NECTIN3: variants seen among roughly 807,000 people sequenced by gnomAD.
The protein encoded by NECTIN3 is nectin cell adhesion molecule 3.
In NECTIN3, 8 loss-of-function variants were observed where a neutral mutation model predicts 49.4. The observed-to-expected ratio is 0.16, with a 90% CI of 0.10 to 0.29. NECTIN3 has a LOEUF of 0.29. Among genes scored for constraint, NECTIN3 ranks in the 10% least tolerant of loss-of-function variants. The pLI, the probability that NECTIN3 is intolerant of heterozygous loss-of-function variation, is 1.00. For synonymous variants in NECTIN3, 277 were observed against 241.1 expected, an observed-to-expected ratio of 1.15 and a Z score of -1.38; for missense variants, 581 against 654.6, an observed-to-expected ratio of 0.89 and a Z score of 1.23.
chr3:111,105,634 T>C (rs2107435571), intron 1 of NECTIN3, among the ~76,000 whole-genome samples: 1 of 152,330 alleles, frequency 6.6e-6, no homozygotes, highest in Non-Finnish European at 1.5e-5. Flanking sequence ...AATTGTGTTT[T>C]CTGTGAATAA....
At chr3:111,120,301 A>C (rs2033888928) in intron 3 of NECTIN3, among the ~76,000 whole-genome samples, 1 of 151,938 alleles carries the variant, frequency 6.6e-6, no homozygotes, top group South Asian at 2.1e-4. Context: ...GTAAGTGTTT[A>C]TAATATGGTA....
chr3:111,118,460 C>T (rs2033803147), intron 2 of NECTIN3, among the ~76,000 whole-genome samples, 196 bp from the exon 3 acceptor site: 1 of 150,984 alleles, frequency 6.6e-6, no homozygotes. Context: ...GTATGAATTC[C>T]TGGTCTCATT....
chr3:111,194,063 A>G (rs557140685), intron 1 of NECTIN3, among the ~76,000 whole-genome samples: 44 of 152,276 alleles, frequency 2.9e-4, no homozygotes, highest in Non-Finnish European at 5.1e-4. Context: ...GACTAGCTGT[A>G]TGTAACAAAG....
chr3:111,091,480 C>T (rs1239302079), intron 1 of NECTIN3, among the ~76,000 whole-genome samples: 3 of 152,106 alleles, frequency 2.0e-5, no homozygotes, highest in Non-Finnish European at 4.4e-5. Flanking sequence ...TCTCAATCTC[C>T]TGACCTCATG....
At chr3:111,074,012 A>G (rs1367838087) in intron 1 of NECTIN3, among the ~76,000 whole-genome samples, 2 of 151,044 alleles carry the variant, frequency 1.3e-5, no homozygotes, top group East Asian at 3.9e-4. Flanking sequence ...GTTTTAGAGC[A>G]GGTGTAGTGT....
intron 1 of NECTIN3, among the ~76,000 whole-genome samples, chr3:111,111,176 T>C (rs1189545429): frequency 1.3e-5 from 2 of 152,166 alleles, no homozygotes; most frequent in Non-Finnish European, 2.9e-5. Context: ...TACTTGTCAA[T>C]GAGCAGCATC....
intron 7 of NECTIN3, among the ~76,000 whole-genome samples, chr3:111,171,127 G>A (rs2169643): frequency 0.19 from 28,550 of 152,096 alleles, 5,418 homozygotes; most frequent in African/African-American, 0.47. Flanking sequence ...AGCACATGCC[G>A]TTATTATCTT....
At position 111,135,936 on chromosome 3, in the gene NECTIN3, A is replaced by G. The variant is rs1198946328; in HGVS notation, c.*1721A>G. On this transcript the variant is annotated 3_prime_UTR_variant, in exon 6 of 6. Transcript: ENST00000485303. ...TTAAGGATACAGATAAATAAAGTTC[A>G]CTTATATCTTCTTACAAATGTCTGG... The G allele has an allele frequency of 3.2e-6, 3 of 923,158 alleles. No homozygotes were observed. In the African/African-American group the frequency reaches 5.4e-5, roughly 17 times the overall value. The allele number at this position is 923,158 out of a possible 1,614,324, so 57.2% of individuals were successfully genotyped here.
At chr3:111,109,177 A>G (rs188865266) in intron 1 of NECTIN3, among the ~76,000 whole-genome samples, 48 of 152,222 alleles carry the variant, frequency 3.2e-4, no homozygotes, top group Admixed American at 1.5e-3. Flanking sequence ...CAGTCCAATC[A>G]TGGGGAGCCC....
At position 111,134,071 on chromosome 3, in the gene NECTIN3, T is replaced by C; in HGVS notation, c.1506T>C (p.Asn502=). The change falls in exon 6 of 6, where the codon AAT becomes AAC. Residue 502 remains asparagine (N), a synonymous_variant. Coordinates refer to ENST00000485303, the MANE Select transcript of NECTIN3 (RefSeq NM_015480.3). ...AGTGGAACAATGTAGAAAATCTCAA[T>C]AGGTTTGAAAGACCAATGGATTATT... ...KTQWNNVENL[N]RFERPMDYYE... is the part of the protein sequence containing the mutation. The C allele has an allele frequency of 1.9e-6, 3 of 1,613,630 alleles. No homozygotes were observed. In the South Asian group the frequency reaches 3.3e-5, roughly 18 times the overall value.
intron 7 of NECTIN3, among the ~76,000 whole-genome samples, chr3:111,165,627 C>A (rs2035304597): frequency 1.3e-5 from 2 of 152,152 alleles, no homozygotes; most frequent in African/African-American, 4.8e-5. Flanking sequence ...CTTTTTAGTT[C>A]TGATTTTCCC....
Position 111,167,013 on chromosome 3 carries a change from A to G in NECTIN3, c.1221+19529A>G, listed in dbSNP as rs554582226. Among the ~76,000 whole-genome samples the G allele has an allele frequency of 2.0e-5, 3 of 152,300 alleles. No individual in the cohort carries two copies. The South Asian group carries it at 6.2e-4, about 32-fold the overall frequency. On this transcript the variant is annotated intron_variant, in intron 7 of 8. Transcript: ENST00000493615. Reference sequence around the variant, plus strand: ...CCCATTTGAGCTAAGTGATTTTTGCATTTTGTAGCCACATTCACTTTGTAA... The same window carrying G: ...CCCATTTGAGCTAAGTGATTTTTGCGTTTTGTAGCCACATTCACTTTGTAA...
At position 111,137,158 on chromosome 3, in the gene NECTIN3, T is replaced by C. The variant is rs2034608098; in HGVS notation, c.*2943T>C. On this transcript the variant is annotated 3_prime_UTR_variant, in exon 6 of 6. Transcript: ENST00000485303. The stretch of plus-strand genomic sequence containing the variant: ...TATATGTGAAAACATCTGATTTGAG[T>C]TTTTGATAAATACTGCTAAAACACA... The C allele has an allele frequency of 1.0e-6, 1 of 957,184 alleles. No individual in the cohort carries two copies. The highest frequency in any genetic ancestry group is 1.8e-5 in the African/African-American group (1 of 56,494). The allele number at this position is 957,184 out of a possible 1,614,324, so 59.3% of individuals were successfully genotyped here. A position where few individuals can be genotyped will look rare whatever the true frequency, so the allele number is the denominator to read the frequency against.
chr3:111,078,539 A>G (rs1211611621), intron 1 of NECTIN3, among the ~76,000 whole-genome samples: 1 of 152,178 alleles, frequency 6.6e-6, no homozygotes, highest in Non-Finnish European at 1.5e-5. Context: ...ATGGTCTAAG[A>G]AATTCTTCAG....
At chr3:111,123,912 A>G (rs147622513) in intron 4 of NECTIN3, among the ~76,000 whole-genome samples, 2,672 of 152,212 alleles carry the variant, frequency 0.018, 72 homozygotes, top group African/African-American at 0.06. Context: ...TAAGGCATAT[A>G]TTGTTTTTTA....
chr3:111,085,474 T>C (rs1042589037), intron 1 of NECTIN3, among the ~76,000 whole-genome samples: 3 of 152,204 alleles, frequency 2.0e-5, no homozygotes, highest in African/African-American at 7.2e-5. Context: ...TGCGGTTGGA[T>C]GAACTGTTAA....
intron 7 of NECTIN3, among the ~76,000 whole-genome samples, chr3:111,173,761 G>A (rs962585670): frequency 1.3e-5 from 2 of 151,984 alleles, no homozygotes; most frequent in African/African-American, 4.8e-5. Flanking sequence ...TGTCTCACAA[G>A]CCTTTAGTAA....
At chr3:111,098,928 TAAA>T (rs371816550) in intron 1 of NECTIN3, among the ~76,000 whole-genome samples, 9 of 139,812 alleles carry the variant, frequency 6.4e-5, no homozygotes, top group Non-Finnish European at 9.5e-5. Context: ...AACGTTAGTT[TAAA>T]AAAAAAAAAA....
upstream of NECTIN3, among the ~76,000 whole-genome samples, chr3:111,189,043 A>G (rs958154534): frequency 1.3e-5 from 2 of 152,108 alleles, no homozygotes; most frequent in East Asian, 3.8e-4. Flanking sequence ...TATGTTCAAG[A>G]TTTCTTTTCC....
Sources: gnomAD v4.1 joint callset for allele counts (sites outside exome capture counted in the v4.1 genomes callset) on GRCh38, gnomAD v4.1.1 for gene constraint, MANE v1.5 for transcripts, NCBI Gene and HGNC (gene_info 2026-07-23, HGNC 2026-07-21) for gene names.